The following EXPH5 variants were observed in gnomAD, a reference collection of about 807,000 sequenced individuals.
EXPH5 encodes exophilin-5.
A neutral mutation model predicts 41.1 loss-of-function variants in EXPH5; 42 were observed. The observed-to-expected ratio is 1.02, with a 90% confidence interval of 0.80 to 1.32. EXPH5 has a LOEUF of 1.32. Ranked by LOEUF, EXPH5 falls within the 40% of genes most tolerant of loss-of-function variation. The pLI, the probability that EXPH5 is intolerant of heterozygous loss-of-function variation, is 0.00. For missense variants in EXPH5, 2,298 were observed against 2,314.5 expected (o/e 0.99, Z 0.15); for synonymous variants, 798 against 833.5 (o/e 0.96, Z 0.73).
upstream of EXPH5, among the ~76,000 whole-genome samples, chr11:108,596,586 G>T (rs545905273): frequency 6.6e-6 from 1 of 152,294 alleles, no homozygotes; most frequent in South Asian, 2.1e-4. Flanking sequence ...AGAAATGTGG[G>T]ACTCAAGTTC....
chr11:108,519,793 T>G (rs1021203886), intron 4 of EXPH5, among the ~76,000 whole-genome samples: 1 of 148,280 alleles, frequency 6.7e-6, no homozygotes, highest in African/African-American at 2.5e-5. Context: ...AAACCAAAAA[T>G]ACAAAAATTA....
At position 108,512,763 on chromosome 11, in the gene EXPH5, T is replaced by G; in HGVS notation, c.2744A>C (p.Asp915Ala). Residue 915 changes from aspartate to alanine, a missense_variant, in exon 6 of 6, where the codon GAT becomes GCT. Transcript: ENST00000265843. ...VFSRRSPSDK[D>A]PSLGEREEKD... is the part of the protein sequence containing the mutation. Reference sequence around the variant, plus strand: ...TTCTTCTCTTTCTCCTAGCGATGGATCTTTGTCTGAAGGACTTCTCCTGGA... The same window carrying G: ...TTCTTCTCTTTCTCCTAGCGATGGAGCTTTGTCTGAAGGACTTCTCCTGGA... 1.2e-6 allele frequency: 2 copies of G among 1,613,928 alleles called. No individual in the cohort carries two copies. The highest frequency in any genetic ancestry group is 1.7e-6 in the Non-Finnish European group (2 of 1,179,950).
Position 108,510,031 on chromosome 11 carries a change from T to A in EXPH5, c.5476A>T (p.Ile1826Phe), listed in dbSNP as rs773804803. 6.2e-6 allele frequency: 10 copies of A among 1,613,004 alleles called. No homozygotes were observed. The African/African-American group carries it at 8.0e-5, about 13-fold the overall frequency. ...RERHFSESTS[I>F]DNALSRLTLG... ...GTCAGTCGACTCAGGGCATTGTCAA[T>A]AGAAGTGCTTTCAGAAAAATGGCGC... The change falls in exon 6 of 6, where the codon ATT becomes TTT. Residue 1826 changes from isoleucine to phenylalanine, a missense_variant. Coordinates refer to ENST00000265843, the MANE Select transcript of EXPH5 (RefSeq NM_015065.3).
chr11:108,591,665 A>G (rs903985477), intron 1 of EXPH5, among the ~76,000 whole-genome samples: 13 of 152,252 alleles, frequency 8.5e-5, no homozygotes, highest in African/African-American at 3.1e-4. Flanking sequence ...CCATGAAATT[A>G]GAAAATGTGT....
intron 1 of EXPH5, among the ~76,000 whole-genome samples, chr11:108,561,303 G>A (rs1024282340): frequency 6.6e-6 from 1 of 152,134 alleles, no homozygotes; most frequent in Admixed American, 6.5e-5. Flanking sequence ...GATTCCCTTT[G>A]ACATTATTGG....
intron 1 of EXPH5, 76 bp downstream of exon 1, chr11:108,593,342 C>T: frequency 7.3e-7 from 1 of 1,361,754 alleles, no homozygotes; most frequent in South Asian, 1.2e-5. Flanking sequence ...CCCGCGCGAG[C>T]TCAGCGCCTT....
chr11:108,568,513 C>G, intron 1 of EXPH5, among the ~76,000 whole-genome samples: 1 of 152,162 alleles, frequency 6.6e-6, no homozygotes, highest in East Asian at 1.9e-4. Flanking sequence ...CACACCTCCC[C>G]CCAACCCCCA....
At chr11:108,528,741 C>T (rs1195968173) in intron 3 of EXPH5, among the ~76,000 whole-genome samples, 4 of 103,976 alleles carry the variant, frequency 3.8e-5, no homozygotes, top group African/African-American at 1.2e-4. Flanking sequence ...TGCTCTTTGT[C>T]GCCCAGGCTG....
intron 4 of EXPH5, among the ~76,000 whole-genome samples, chr11:108,520,472 T>G (rs1273244711): frequency 6.6e-6 from 1 of 152,168 alleles, no homozygotes; most frequent in East Asian, 1.9e-4. Flanking sequence ...AATAAATGGC[T>G]TTAAAAAAAC....
intron 1 of EXPH5, among the ~76,000 whole-genome samples, chr11:108,582,536 A>T (rs763165185): frequency 1.3e-5 from 2 of 152,170 alleles, no homozygotes; most frequent in African/African-American, 2.4e-5. Flanking sequence ...CAGATTTTTT[A>T]AAAACCCTCA....
intron 3 of EXPH5, among the ~76,000 whole-genome samples, chr11:108,537,337 TAATA>T (rs2093885910): frequency 1.3e-5 from 2 of 152,222 alleles, no homozygotes. Flanking sequence ...CCAGCAGAAT[TAATA>T]AATACTTATC....
chr11:108,553,337 C>G (rs1453636819), intron 1 of EXPH5, among the ~76,000 whole-genome samples: 1 of 152,194 alleles, frequency 6.6e-6, no homozygotes. Context: ...GTTCAGATCA[C>G]AGTGCCCTTG....
Position 108,541,896 on chromosome 11 carries a change from G to T in EXPH5, c.120-84C>A, listed in dbSNP as rs80343652. The T allele has an allele frequency of 1.2e-5, 13 of 1,093,396 alleles. No homozygotes were observed. The African/African-American group carries it at 1.3e-4, about 11-fold the overall frequency. The allele number at this position is 1,093,396 out of a possible 1,614,324, so 67.7% of individuals were successfully genotyped here. A position where few individuals can be genotyped will look rare whatever the true frequency, so the allele number is the denominator to read the frequency against. On this transcript the variant is annotated intron_variant, in intron 1 of 5. Transcript: ENST00000265843. ...CCTTAAATCAATGTACTTTTTTTTT[G>T]ATATGGGGGTCTCATTCTGTCACCA... is the stretch of plus-strand genomic sequence containing the variant.
At chr11:108,545,935 G>A (rs1288811309) in intron 1 of EXPH5, among the ~76,000 whole-genome samples, 1 of 151,772 alleles carries the variant, frequency 6.6e-6, no homozygotes, top group African/African-American at 2.4e-5. Context: ...GCTGCTAAGA[G>A]AGCATATAAC....
chr11:108,600,198 G>A, the EXPH5 span, among the ~76,000 whole-genome samples: 1 of 152,180 alleles, frequency 6.6e-6, no homozygotes, highest in Non-Finnish European at 1.5e-5. Context: ...AGAATGAAAG[G>A]AGTGAGATTG....
At chr11:108,532,360 ATATATATTTTTTTTTTTT>A (rs1162226515) in intron 3 of EXPH5, among the ~76,000 whole-genome samples, 4 of 20,870 alleles carry the variant, frequency 1.9e-4, no homozygotes, top group African/African-American at 1.0e-3. Context: ...ATATATATAT[ATATATATTTTTTTTTTTT>A]TTTTTTTTTT....
intron 1 of EXPH5, among the ~76,000 whole-genome samples, chr11:108,563,704 C>A (rs1456350721): frequency 6.6e-6 from 1 of 152,184 alleles, no homozygotes; most frequent in Non-Finnish European, 1.5e-5. Context: ...TGCCTCCCAG[C>A]CACCGTCCGG....
At chr11:108,583,366 T>C (rs1373175222) in intron 1 of EXPH5, among the ~76,000 whole-genome samples, 1 of 150,464 alleles carries the variant, frequency 6.6e-6, no homozygotes, top group African/African-American at 2.4e-5. Flanking sequence ...AGTGAGATTC[T>C]GTCTCAAAAA....
chr11:108,594,733 T>C (rs942565651), upstream of EXPH5, among the ~76,000 whole-genome samples: 3 of 152,238 alleles, frequency 2.0e-5, no homozygotes, highest in African/African-American at 7.2e-5. Flanking sequence ...ATTACTAACA[T>C]ATAAAATGTA....
Sources: gnomAD v4.1 joint callset for allele counts (sites outside exome capture counted in the v4.1 genomes callset) on GRCh38, gnomAD v4.1.1 for gene constraint, MANE v1.5 for transcripts, NCBI Gene and HGNC (gene_info 2026-07-23, HGNC 2026-07-21) for gene names.